Variants in CDKL1 observed in about 807,000 individuals in gnomAD.
The protein encoded by CDKL1 is cyclin dependent kinase like 1.
CDKL1 carries 41 observed loss-of-function variants against 42.0 expected under a neutral mutation model. The observed-to-expected ratio is 0.98, with a 90% CI of 0.76 to 1.27. The LOEUF (loss-of-function observed/expected upper bound fraction) is 1.27, where lower values mean the gene tolerates loss of function less well. Among genes scored for constraint, CDKL1 ranks in the 50% most tolerant of loss-of-function variants. The pLI is 0.00. For missense variants in CDKL1, 394 were observed against 428.4 expected (o/e 0.92, Z 0.71); for synonymous variants, 153 against 158.6 (o/e 0.96, Z 0.26).
intron 2 of CDKL1, chr14:50,390,337 C>G (rs1475488375): frequency 5.1e-6 from 7 of 1,366,500 alleles, no homozygotes; most frequent in Non-Finnish European, 6.9e-6. Flanking sequence ...TCCTTGACCT[C>G]CAACTCCGCT....
intron 2 of CDKL1, among the ~76,000 whole-genome samples, chr14:50,369,021 C>T (rs1468111904): frequency 1.3e-5 from 2 of 151,930 alleles, no homozygotes; most frequent in Non-Finnish European, 2.9e-5. Flanking sequence ...TGTGCACCAC[C>T]ATGCCTGGCT....
intron 2 of CDKL1, among the ~76,000 whole-genome samples, chr14:50,385,873 A>G (rs538942823): frequency 1.4e-4 from 21 of 151,790 alleles, no homozygotes; most frequent in African/African-American, 4.6e-4. Flanking sequence ...AAAAATAACT[A>G]TACACATTTA....
At chr14:50,331,914 A>C in intron 9 of CDKL1, 1 of 947,120 alleles carries the variant, frequency 1.1e-6, no homozygotes, top group South Asian at 1.8e-5. Flanking sequence ...AGTGTACATG[A>C]TGACACAGAA....
intron 2 of CDKL1, among the ~76,000 whole-genome samples, chr14:50,394,640 GA>G (rs772701405): frequency 1.1e-4 from 16 of 152,202 alleles, no homozygotes; most frequent in Non-Finnish European, 2.1e-4. Flanking sequence ...ATACAGGTCA[GA>G]ACAGAGAGGC....
At chr14:50,388,129 T>A (rs2035143006) in intron 2 of CDKL1, among the ~76,000 whole-genome samples, 1 of 152,206 alleles carries the variant, frequency 6.6e-6, no homozygotes, top group Admixed American at 6.5e-5. Context: ...GACCTCGTGA[T>A]CCACCTGCCT....
intron 2 of CDKL1, among the ~76,000 whole-genome samples, chr14:50,364,641 G>A (rs1372381703): frequency 6.6e-6 from 1 of 152,120 alleles, no homozygotes. Flanking sequence ...AATTAGGTAA[G>A]TTCTGTAGGC....
chr14:50,347,501 G>C (rs2033767444), intron 3 of CDKL1, among the ~76,000 whole-genome samples: 1 of 152,138 alleles, frequency 6.6e-6, no homozygotes, highest in African/African-American at 2.4e-5. Context: ...TTAAAATAGA[G>C]CTTCCAGGAT....
chr14:50,331,667 A>G (rs933810602), intron 9 of CDKL1: 1 of 223,368 alleles, frequency 4.5e-6, no homozygotes, highest in Non-Finnish European at 8.9e-6. Context: ...TTCATTCTAA[A>G]TTATTACAGC....
At chr14:50,360,786 TTG>T (rs58307197) in intron 2 of CDKL1, among the ~76,000 whole-genome samples, 25,651 of 144,498 alleles carry the variant, frequency 0.18, 2,332 homozygotes, top group South Asian at 0.33. Context: ...GTGTGTGTGT[TTG>T]TGTGTGTGTG....
At chr14:50,336,831 AT>A (rs1393099279) in intron 7 of CDKL1, among the ~76,000 whole-genome samples, 2 of 150,610 alleles carry the variant, frequency 1.3e-5, no homozygotes, top group African/African-American at 4.9e-5. Context: ...GTATTTTGAT[AT>A]ATATCCTTGC....
Position 50,381,501 on chromosome 14 carries a change from G to A in CDKL1, c.168+14200C>T, listed in dbSNP as rs181500203. Among the ~76,000 whole-genome samples, 67 of 152,232 alleles carry A rather than the reference G, an allele frequency of 4.4e-4. 1 individual carries two copies. In the Middle Eastern group the frequency reaches 0.027, roughly 62 times the overall value. On this transcript the variant is annotated intron_variant, in intron 2 of 9. Transcript: ENST00000395834. The stretch of plus-strand genomic sequence containing the variant: ...GAACAAAGCCTCACACCTGGCTCAC[G>A]GGTCTCTTCTGCATTCCTCTCAAGA...
intron 9 of CDKL1, 164 bp from the exon 10 acceptor site, chr14:50,330,345 G>A: frequency 2.5e-6 from 2 of 809,856 alleles, no homozygotes; most frequent in Non-Finnish European, 1.8e-6. Context: ...ATTTCGTCTT[G>A]GCTTTTCCTT....
intron 3 of CDKL1, among the ~76,000 whole-genome samples, chr14:50,354,896 TTACTA>T (rs1412735573): frequency 2.0e-5 from 3 of 152,088 alleles, no homozygotes; most frequent in Non-Finnish European, 4.4e-5. Context: ...CATTAAAACA[TTACTA>T]TAATAATAAA....
chr14:50,359,797 T>TAAAAAAA (rs10672836), intron 2 of CDKL1, among the ~76,000 whole-genome samples: 2 of 120,892 alleles, frequency 1.7e-5, no homozygotes, highest in Non-Finnish European at 3.3e-5. Flanking sequence ...GTGTCTAGAT[T>TAAAAAAA]AAAAAAAAAA....
rs58307197 is a variant in CDKL1, at chr14:50,360,786, T to TTGTGTGTG, written c.169-1645_169-1638dup. Among the ~76,000 whole-genome samples, 846 of 144,690 alleles carry TTGTGTGTG rather than the reference T, an allele frequency of 5.8e-3. 1 individual carries two copies. The highest frequency in any genetic ancestry group is 0.015 in the African/African-American group (585 of 38,786). The allele number at this position is 144,690 out of a possible 152,430, so 94.9% of individuals were successfully genotyped here. ...GGTGGAATGATAGACGTGTGTGTGT[T>TTGTGTGTG]TGTGTGTGTGTGTGTGTGTGTGTGT... is the stretch of plus-strand genomic sequence containing the variant. On this transcript the variant is annotated intron_variant, in intron 2 of 9. Transcript: ENST00000395834.
chr14:50,397,211 C>T, upstream of CDKL1: 2 of 1,366,608 alleles, frequency 1.5e-6, no homozygotes, highest in Non-Finnish European at 2.0e-6. Context: ...AACAGCAGTC[C>T]CCACACCTCA....
intron 9 of CDKL1, chr14:50,331,793 A>C: frequency 1.9e-6 from 1 of 533,942 alleles, no homozygotes; most frequent in Non-Finnish European, 3.3e-6. Context: ...TTCAGCTGAT[A>C]CCACCAAAAG....
At chr14:50,345,476 C>G (rs2033694760) in intron 3 of CDKL1, among the ~76,000 whole-genome samples, 1 of 152,192 alleles carries the variant, frequency 6.6e-6, no homozygotes, top group Non-Finnish European at 1.5e-5. Context: ...TTGCCCCAAA[C>G]AGACAGCCTT....
In CDKL1 at chr14:50,381,726, T is replaced by C. The variant is rs1028946004; in HGVS notation, c.168+13975A>G. On this transcript the variant is annotated intron_variant, in intron 2 of 9. Transcript: ENST00000395834. Reference sequence around the variant, plus strand: ...TGGTTTTTATGTGTGGCCGAAAACATCTGTTGGTTTAGAAATTCTGTGTGG... The same window carrying C: ...TGGTTTTTATGTGTGGCCGAAAACACCTGTTGGTTTAGAAATTCTGTGTGG... Among the ~76,000 whole-genome samples, 3 of 151,976 alleles carry C rather than the reference T, an allele frequency of 2.0e-5. 1 individual carries two copies. The highest frequency in any genetic ancestry group is 1.3e-4 in the Admixed American group (2 of 15,244).
Sources: allele counts gnomAD v4.1 joint callset (sites outside exome capture counted in the v4.1 genomes callset), GRCh38; gene constraint gnomAD v4.1.1; transcripts MANE v1.5; gene names NCBI Gene and HGNC (gene_info 2026-07-23, HGNC 2026-07-21).